CYLD: variants seen among roughly 807,000 people sequenced by gnomAD.
The protein encoded by CYLD is CYLD lysine 63 deubiquitinase.
In CYLD, 26 loss-of-function variants were observed where a neutral mutation model predicts 104.5. The observed-to-expected ratio is 0.25, with a 90% CI of 0.18 to 0.35. The LOEUF (loss-of-function observed/expected upper bound fraction) is 0.35, where lower values mean the gene tolerates loss of function less well. CYLD is among the 10% of genes least tolerant of loss of function. The probability of loss-of-function intolerance (pLI) is 1.00; values close to 1 mark genes in which losing one functional copy is unlikely to be tolerated. For synonymous variants in CYLD, 385 were observed against 399.9 expected (o/e 0.96, Z 0.45); for missense variants, 703 against 1,136.1 (o/e 0.62, Z 5.48).
At position 50,779,961 on chromosome 16, in the gene CYLD, A is replaced by G. The variant is rs769084591; in HGVS notation, c.1435A>G (p.Lys479Glu). ...AGAAGTGGGCTCATTGGCTGAAGTT[A>G]AGGAGAACCCTCCTTTCTATGGGGT... The part of the protein sequence containing the change: ...GLEVGSLAEV[K>E]ENPPFYGVIR... The change falls in exon 9 of 19, where the codon AAG becomes GAG. Residue 479 changes from lysine (K) to glutamate (E), a missense_variant. Transcript: ENST00000427738. The G allele has an allele frequency of 9.9e-6, 16 of 1,613,944 alleles. No individual in the cohort carries two copies. Among genetic ancestry groups the G allele is most frequent in the Admixed American group, 1.7e-5 (1 of 60,002 alleles).
chr16:50,746,336 C>G (rs766297022), intron 2 of CYLD, among the ~76,000 whole-genome samples: 4 of 152,214 alleles, frequency 2.6e-5, no homozygotes, highest in Non-Finnish European at 5.9e-5. Flanking sequence ...CTGTGCCTGG[C>G]CGAGAATATT....
chr16:50,781,006 T>G (rs1970169940), intron 9 of CYLD, among the ~76,000 whole-genome samples: 1 of 152,112 alleles, frequency 6.6e-6, no homozygotes, highest in Admixed American at 6.5e-5. Flanking sequence ...GAAGCATATA[T>G]TCTGAAAGGA....
chr16:50,771,595 G>A (rs1347864259), intron 5 of CYLD, among the ~76,000 whole-genome samples: 1 of 152,126 alleles, frequency 6.6e-6, no homozygotes, highest in Non-Finnish European at 1.5e-5. Context: ...GTTTTCTGAA[G>A]GAGCTGCACC....
intron 8 of CYLD, among the ~76,000 whole-genome samples, chr16:50,778,763 G>A (rs553879113): frequency 1.3e-5 from 2 of 152,330 alleles, no homozygotes; most frequent in Non-Finnish European, 2.9e-5. Context: ...TGGTCTCCCA[G>A]CCTTTAGAGT....
chr16:50,786,913 G>C lies in CYLD; in HGVS notation c.2008G>C (p.Glu670Gln). Residue 670 changes from glutamate to glutamine, a missense_variant, in exon 13 of 19, where the codon GAG becomes CAG. Glu to Gln is a conservative substitution (Grantham distance 29). Coordinates refer to ENST00000427738, the MANE Select transcript of CYLD (RefSeq NM_001378743.1). ...ACTGAGGAAAATACTTGAAAAGGTGGAGGCTGCATCAGGATTTACCTCTGA... is the reference window on the plus strand; with the variant it reads ...ACTGAGGAAAATACTTGAAAAGGTGCAGGCTGCATCAGGATTTACCTCTGA... ...MKLRKILEKV[E>Q]AASGFTSEEK... 6.2e-7 allele frequency: 1 copy of C among 1,614,056 alleles called. No individual in the cohort carries two copies. Among genetic ancestry groups the C allele is most frequent in the Non-Finnish European group, 8.5e-7 (1 of 1,179,942 alleles).
rs536028311 is a variant in CYLD at position 50,801,515 on chromosome 16, A to G, written c.*5007A>G. 1 of 233,846 alleles carries G rather than the reference A, an allele frequency of 4.3e-6. No homozygotes were observed. The highest frequency in any genetic ancestry group is 2.2e-5 in the African/African-American group (1 of 45,486). 14.5% of individuals were successfully genotyped at this position (233,846 alleles called of 1,614,324 possible). On this transcript the variant is annotated 3_prime_UTR_variant, in exon 19 of 19. Transcript: ENST00000427738. ...ACTTAAAAAATTCTAGAGGGATTAT[A>G]TTGGAGACTCAACTGCCCTTGGTTT...
intron 2 of CYLD, among the ~76,000 whole-genome samples, chr16:50,747,264 C>T (rs1366683487): frequency 5.3e-5 from 8 of 152,174 alleles, no homozygotes; most frequent in Non-Finnish European, 1.0e-4. Flanking sequence ...AAACATATTT[C>T]ACTACCTGGC....
Position 50,800,747 on chromosome 16 carries a change from C to T in CYLD, c.*4239C>T, listed in dbSNP as rs1335196270. On this transcript the variant is annotated 3_prime_UTR_variant, in exon 19 of 19. Transcript: ENST00000427738. ...TTTCTCTGGGATAACAAATCCTTGT[C>T]ATAAAGTAAGAGGTCTTTTTAAAGT... is the stretch of plus-strand genomic sequence containing the variant. 4.3e-6 allele frequency: 1 copy of T among 232,958 alleles called. No individual in the cohort carries two copies. The highest frequency in any genetic ancestry group is 8.5e-6 in the Non-Finnish European group (1 of 117,912). The allele number at this position is 232,958 out of a possible 1,614,324, so 14.4% of individuals were successfully genotyped here. A position where few individuals can be genotyped will look rare whatever the true frequency, so the allele number is the denominator to read the frequency against.
At chr16:50,760,595 A>G (rs1309515209) in intron 5 of CYLD, among the ~76,000 whole-genome samples, 2 of 152,160 alleles carry the variant, frequency 1.3e-5, no homozygotes, top group Non-Finnish European at 2.9e-5. Context: ...TTTATATGTT[A>G]GAACTCTTTG....
intron 15 of CYLD, 30 bp downstream of exon 15, chr16:50,791,720 G>C: frequency 6.2e-7 from 1 of 1,611,732 alleles, no homozygotes; most frequent in South Asian, 1.1e-5. Flanking sequence ...GGTATTTTAT[G>C]TGAAAGTCTG....
chr16:50,765,481 T>C (rs1968402001), intron 5 of CYLD, among the ~76,000 whole-genome samples: 1 of 152,152 alleles, frequency 6.6e-6, no homozygotes, highest in Non-Finnish European at 1.5e-5. Flanking sequence ...TACCCAAAAA[T>C]ATTAAAATTA....
intron 12 of CYLD, chr16:50,786,074 C>T (rs1970785700): frequency 6.6e-6 from 1 of 152,170 alleles, no homozygotes; most frequent in South Asian, 2.1e-4. Context: ...GTCTTGCATT[C>T]AGACAAAGAA....
intron 6 of CYLD, 98 bp downstream of exon 6, chr16:50,775,272 A>G: frequency 1.1e-6 from 1 of 889,606 alleles, no homozygotes; most frequent in Non-Finnish European, 1.8e-6. Context: ...TCCCTTGATC[A>G]GTATTTAGGA....
At position 50,749,608 on chromosome 16, in the gene CYLD, G is replaced by A. The variant is rs369755094; in HGVS notation, c.-91G>A. 6.9e-6 allele frequency: 9 copies of A among 1,312,242 alleles called. No individual in the cohort carries two copies. The highest frequency in any genetic ancestry group is 4.4e-5 in the African/African-American group (3 of 68,426). The allele number at this position is 1,312,242 out of a possible 1,614,324, so 81.3% of individuals were successfully genotyped here. A position where few individuals can be genotyped will look rare whatever the true frequency, so the allele number is the denominator to read the frequency against. ...ACCACGTTGCTGAAAACATGCTTTG[G>A]GACTGCCACTGAATTTATCTTTTGC... On this transcript the variant is annotated 5_prime_UTR_variant, in exon 3 of 19. It introduces an in-frame stop codon into an upstream open reading frame of the 5' UTR. Coordinates refer to ENST00000427738, the MANE Select transcript of CYLD (RefSeq NM_001378743.1).
intron 7 of CYLD, among the ~76,000 whole-genome samples, chr16:50,776,565 T>C (rs1038744192): frequency 1.3e-5 from 2 of 152,218 alleles, no homozygotes; most frequent in African/African-American, 2.4e-5. Context: ...ATGTATAGTT[T>C]AGGATTGCAA....
chr16:50,755,207 GTATATACACACGTGTACATATGTGTGTA>G (rs1567427599), intron 5 of CYLD, among the ~76,000 whole-genome samples: 5 of 119,498 alleles, frequency 4.2e-5, no homozygotes, highest in Admixed American at 1.6e-4. Context: ...ATATGTGTGT[GTATATACACACGTGTACATATGTGTGTA>G]TATACACACA....
chr16:50,793,115 T>C lies in CYLD; in HGVS notation c.2350+410T>C, dbSNP rs77528321. On this transcript the variant is annotated intron_variant, in intron 16 of 18. Coordinates refer to ENST00000427738, the MANE Select transcript of CYLD (RefSeq NM_001378743.1). Reference sequence around the variant, plus strand: ...GATATATTCTACAAAAGGAGCCATATACACACACACACACACACACACACA... The same window carrying C: ...GATATATTCTACAAAAGGAGCCATACACACACACACACACACACACACACA... Among the ~76,000 whole-genome samples, 1,275 of 145,136 alleles carry C rather than the reference T, an allele frequency of 8.8e-3. 12 individuals are homozygous for C. The highest frequency in any genetic ancestry group is 0.06 in the South Asian group (246 of 4,082).
intron 5 of CYLD, among the ~76,000 whole-genome samples, chr16:50,763,830 A>G (rs1330596048): frequency 3.3e-5 from 5 of 152,190 alleles, no homozygotes; most frequent in African/African-American, 7.2e-5. Flanking sequence ...TCTTAAAGAA[A>G]ATGCTTTCAA....
In CYLD at chr16:50,801,724, A is replaced by G; in HGVS notation, c.*5216A>G. 1 of 233,210 alleles carries G rather than the reference A, an allele frequency of 4.3e-6. No individual in the cohort carries two copies. The highest frequency in any genetic ancestry group is 6.0e-5 in the East Asian group (1 of 16,578). 14.4% of individuals were successfully genotyped at this position (233,210 alleles called of 1,614,324 possible). A position where few individuals can be genotyped will look rare whatever the true frequency, so the allele number is the denominator to read the frequency against. On this transcript the variant is annotated 3_prime_UTR_variant, in exon 19 of 19. Coordinates refer to ENST00000427738, the MANE Select transcript of CYLD (RefSeq NM_001378743.1). ...ATTTCCCATTTTTGGTATCTTGTTC[A>G]GCATGTTTTATTTTTATTTCTTGTC... is the stretch of plus-strand genomic sequence containing the variant.
Sources: gnomAD v4.1 joint callset for allele counts (sites outside exome capture counted in the v4.1 genomes callset) on GRCh38, gnomAD v4.1.1 for gene constraint, MANE v1.5 for transcripts, NCBI Gene and HGNC (gene_info 2026-07-23, HGNC 2026-07-21) for gene names.